PTPRN2: variants seen among roughly 807,000 people sequenced by gnomAD.
PTPRN2 encodes receptor-type tyrosine-protein phosphatase N2.
Under a neutral mutation model 118.8 loss-of-function variants are expected in PTPRN2, and 74 were observed. That is an observed-to-expected ratio of 0.62 (90% confidence interval 0.52 to 0.76). The LOEUF (loss-of-function observed/expected upper bound fraction) is 0.76. PTPRN2 is among the 30% of genes least tolerant of loss of function. The pLI, the probability that PTPRN2 is intolerant of heterozygous loss-of-function variation, is 0.00. For synonymous variants in PTPRN2, 641 were observed against 608.0 expected (o/e 1.05, Z -0.80); for missense variants, 1,481 against 1,394.4 (o/e 1.06, Z -0.99).
At chr7:158,447,902 G>A (rs910973342) in intron 2 of PTPRN2, among the ~76,000 whole-genome samples, 1 of 152,206 alleles carries the variant, frequency 6.6e-6, no homozygotes, top group African/African-American at 2.4e-5. Context: ...GCCCCACCCC[G>A]GCTCCTGGCC....
intron 3 of PTPRN2, among the ~76,000 whole-genome samples, chr7:158,272,092 T>A (rs1355362228): frequency 6.6e-6 from 1 of 152,218 alleles, no homozygotes; most frequent in East Asian, 1.9e-4. Flanking sequence ...AAAACGATTT[T>A]TCCTCCTACA....
chr7:157,931,958 A>G (rs972513512), intron 11 of PTPRN2, among the ~76,000 whole-genome samples: 2 of 152,206 alleles, frequency 1.3e-5, no homozygotes, highest in Non-Finnish European at 2.9e-5. Context: ...TTATTTTAAC[A>G]TACGTCAGAT....
chr7:158,142,411 C>T (rs1192261578), intron 6 of PTPRN2, among the ~76,000 whole-genome samples: 2 of 152,244 alleles, frequency 1.3e-5, no homozygotes, highest in Non-Finnish European at 2.9e-5. Context: ...ATGGCGTGGC[C>T]TGCCCCCTCC....
chr7:157,942,184 A>ATG (rs1563260027), intron 11 of PTPRN2, among the ~76,000 whole-genome samples: 1,149 of 33,126 alleles, frequency 0.035, 23 homozygotes, highest in Middle Eastern at 0.042. Flanking sequence ...TCCTCGGCCC[A>ATG]CCCTCCACAC....
At chr7:157,910,474 G>A (rs1342588781) in intron 11 of PTPRN2, among the ~76,000 whole-genome samples, 5 of 136,658 alleles carry the variant, frequency 3.7e-5, no homozygotes, top group Admixed American at 1.5e-4. Flanking sequence ...CACGTACGCC[G>A]TGGGGACGGG....
intron 11 of PTPRN2, among the ~76,000 whole-genome samples, chr7:157,915,806 G>C (rs1798364098): frequency 6.6e-6 from 1 of 152,174 alleles, no homozygotes; most frequent in African/African-American, 2.4e-5. Flanking sequence ...ATTGCCAGAT[G>C]TCTGATGTGT....
At chr7:158,276,831 G>C (rs1262954218) in intron 3 of PTPRN2, among the ~76,000 whole-genome samples, 1 of 152,206 alleles carries the variant, frequency 6.6e-6, no homozygotes, top group Non-Finnish European at 1.5e-5. Flanking sequence ...TGTGCGGGCG[G>C]CCTCCTCGTA....
At chr7:157,965,291 T>C (rs962954356) in intron 11 of PTPRN2, among the ~76,000 whole-genome samples, 1 of 152,218 alleles carries the variant, frequency 6.6e-6, no homozygotes, top group African/African-American at 2.4e-5. Context: ...ATGCCTCTTA[T>C]GAACACTGGC....
chr7:158,064,812 C>T (rs1810630803), intron 11 of PTPRN2, among the ~76,000 whole-genome samples: 1 of 152,154 alleles, frequency 6.6e-6, no homozygotes, highest in Admixed American at 6.5e-5. Context: ...CTCCAAGTCA[C>T]AGCGTGGCTC....
intron 6 of PTPRN2, among the ~76,000 whole-genome samples, chr7:158,159,295 A>G (rs1487688603): frequency 6.6e-6 from 1 of 152,266 alleles, no homozygotes; most frequent in African/African-American, 2.4e-5. Flanking sequence ...AAGTTCTTCC[A>G]GCTTCCACAT....
chr7:157,699,855 C>T lies in PTPRN2; in HGVS notation c.1789-16918G>A, dbSNP rs542628890. Among the ~76,000 whole-genome samples the T allele has an allele frequency of 1.7e-4, 26 of 152,312 alleles. No individual in the cohort carries two copies. In the South Asian group the frequency reaches 1.9e-3, roughly 11 times the overall value. On this transcript the variant is annotated intron_variant, in intron 12 of 22. Coordinates refer to ENST00000389418, the MANE Select transcript of PTPRN2 (RefSeq NM_002847.5). Reference sequence around the variant, plus strand: ...TGCCAAGTGGCCAACTGCATGGAGCCGCCGCATGTCCTCGGTCAGTGCGGT... The same window carrying T: ...TGCCAAGTGGCCAACTGCATGGAGCTGCCGCATGTCCTCGGTCAGTGCGGT...
At chr7:158,251,635 T>G (rs756293487) in intron 3 of PTPRN2, among the ~76,000 whole-genome samples, 2 of 120,072 alleles carry the variant, frequency 1.7e-5, no homozygotes, top group Non-Finnish European at 3.4e-5. Flanking sequence ...TGGATGTCTA[T>G]GGTGCACATG....
chr7:158,106,064 C>T (rs1319553545), intron 10 of PTPRN2, among the ~76,000 whole-genome samples: 1 of 152,100 alleles, frequency 6.6e-6, no homozygotes, highest in Non-Finnish European at 1.5e-5. Flanking sequence ...ATTCCAACTC[C>T]ATTCAGCTCT....
intron 13 of PTPRN2, among the ~76,000 whole-genome samples, chr7:157,661,232 A>G (rs1422561586): frequency 6.6e-6 from 1 of 152,266 alleles, no homozygotes; most frequent in Non-Finnish European, 1.5e-5. Context: ...GTCTTCTTGA[A>G]GGTCTTAACT....
chr7:158,550,084 C>T (rs1035474242), intron 1 of PTPRN2, among the ~76,000 whole-genome samples: 1 of 152,184 alleles, frequency 6.6e-6, no homozygotes, highest in Non-Finnish European at 1.5e-5. Context: ...TCCTCAGAGC[C>T]CCCCAGCCTC....
chr7:157,762,790 G>C (rs1209829067), intron 12 of PTPRN2, among the ~76,000 whole-genome samples: 2 of 152,070 alleles, frequency 1.3e-5, no homozygotes, highest in African/African-American at 2.4e-5. Context: ...AGAGCCAAAG[G>C]AGAGAGGTGG....
intron 20 of PTPRN2, among the ~76,000 whole-genome samples, chr7:157,569,250 A>G (rs556831993): frequency 1.3e-5 from 2 of 152,348 alleles, no homozygotes; most frequent in African/African-American, 2.4e-5. Context: ...TTGGCCAAAG[A>G]TGTGGTAAAT....
In PTPRN2 at chr7:158,441,081, C is replaced by A. The variant is rs368868328; in HGVS notation, c.163+48654G>T. 1.2e-4 allele frequency among the ~76,000 whole-genome samples: 14 copies of A among 113,144 alleles called. 1 individual carries two copies. Among genetic ancestry groups the A allele is most frequent in the African/African-American group, 5.4e-4 (14 of 26,158 alleles). 74.2% of individuals were successfully genotyped at this position (113,144 alleles called of 152,430 possible). On this transcript the variant is annotated intron_variant, in intron 2 of 22. Transcript: ENST00000389418. ...GATGGGGGTGGTAGTGATGGTGGTG[C>A]TGGTGGTAGTGATAGGGGTGGTAGT...
chr7:158,254,737 G>A (rs1796914730), intron 3 of PTPRN2, among the ~76,000 whole-genome samples: 1 of 152,194 alleles, frequency 6.6e-6, no homozygotes, highest in African/African-American at 2.4e-5. Flanking sequence ...AAAATGTACA[G>A]CCCTCCCTCT....
Sources: gnomAD v4.1 joint callset for allele counts (sites outside exome capture counted in the v4.1 genomes callset) on GRCh38, gnomAD v4.1.1 for gene constraint, MANE v1.5 for transcripts, NCBI Gene and HGNC (gene_info 2026-07-23, HGNC 2026-07-21) for gene names.